The following SEMA6D variants were observed in gnomAD, a reference collection of about 807,000 sequenced individuals.
SEMA6D encodes semaphorin-6D.
Under a neutral mutation model 106.6 loss-of-function variants are expected in SEMA6D, and 35 were observed. The ratio of observed to expected loss-of-function variants is 0.33; its 90% confidence interval spans 0.25 to 0.44. SEMA6D has a LOEUF of 0.44. SEMA6D is among the 20% of genes least tolerant of loss of function. SEMA6D has a pLI of 1.00. For synonymous variants in SEMA6D, 499 were observed against 487.7 expected, an observed-to-expected ratio of 1.02 and a Z score of -0.31; for missense variants, 1,185 against 1,345.9, an observed-to-expected ratio of 0.88 and a Z score of 1.87.
chr15:47,724,495 A>G (rs2146429329), intron 1 of SEMA6D, among the ~76,000 whole-genome samples: 1 of 152,334 alleles, frequency 6.6e-6, no homozygotes, highest in East Asian at 1.9e-4. Context: ...TAGGGTGGTC[A>G]GGGAAGGCTC....
chr15:47,518,960 C>T (rs899496127), intron 3 of SEMA6D, among the ~76,000 whole-genome samples: 5 of 152,062 alleles, frequency 3.3e-5, no homozygotes, highest in Admixed American at 6.5e-5. Context: ...CACAGTGGCT[C>T]ATGGCTGTAA....
chr15:47,547,405 T>A (rs1398556704), intron 3 of SEMA6D, among the ~76,000 whole-genome samples: 1 of 152,204 alleles, frequency 6.6e-6, no homozygotes, highest in East Asian at 1.9e-4. Context: ...AAGACCCTAC[T>A]GCAGAATAAA....
At chr15:47,551,123 A>T (rs2045673569) in intron 3 of SEMA6D, among the ~76,000 whole-genome samples, 1 of 152,152 alleles carries the variant, frequency 6.6e-6, no homozygotes, top group Non-Finnish European at 1.5e-5. Flanking sequence ...GATTGCATTG[A>T]TTCAAACTTA....
intron 4 of SEMA6D, among the ~76,000 whole-genome samples, chr15:47,665,794 A>C (rs2078014377): frequency 6.6e-6 from 1 of 152,254 alleles, no homozygotes; most frequent in Admixed American, 6.5e-5. Flanking sequence ...TGGGCGACAG[A>C]GCAAGACTCT....
chr15:47,759,323 C>T (rs1470230688), intron 1 of SEMA6D, among the ~76,000 whole-genome samples: 1 of 152,048 alleles, frequency 6.6e-6, no homozygotes, highest in African/African-American at 2.4e-5. Context: ...TTTGAGGCAG[C>T]TTGAGCGTTT....
intron 1 of SEMA6D, among the ~76,000 whole-genome samples, chr15:47,398,332 T>C (rs2040286053): frequency 6.6e-6 from 1 of 152,248 alleles, no homozygotes; most frequent in Non-Finnish European, 1.5e-5. Flanking sequence ...GTCTCTGCTT[T>C]ATTGGCTGCT....
intron 1 of SEMA6D, among the ~76,000 whole-genome samples, chr15:47,389,240 A>G (rs2039352508): frequency 6.6e-6 from 1 of 152,254 alleles, no homozygotes; most frequent in Non-Finnish European, 1.5e-5. Flanking sequence ...GTTAATGCAT[A>G]TATAAAGTGC....
At chr15:47,255,537 C>A (rs535131821) in intron 1 of SEMA6D, among the ~76,000 whole-genome samples, 17 of 151,740 alleles carry the variant, frequency 1.1e-4, no homozygotes, top group Non-Finnish European at 2.5e-4. Context: ...TTATTAGAGA[C>A]CTTTCTACTT....
intron 2 of SEMA6D, among the ~76,000 whole-genome samples, chr15:47,436,585 T>C (rs1235515196): frequency 6.6e-6 from 1 of 150,560 alleles, no homozygotes; most frequent in Non-Finnish European, 1.5e-5. Context: ...CTTAATTTTA[T>C]GATGCAGAAA....
At chr15:47,760,911 A>G (rs2082025383) in intron 3 of SEMA6D, 67 bp from the exon 4 acceptor site, 14 of 1,397,880 alleles carry the variant, frequency 1.0e-5, no homozygotes, top group Non-Finnish European at 1.4e-5. Flanking sequence ...CTGTAAAAAT[A>G]AAAAAGGAAG....
At chr15:47,723,939 T>G (rs901271159) in intron 1 of SEMA6D, among the ~76,000 whole-genome samples, 2 of 152,190 alleles carry the variant, frequency 1.3e-5, no homozygotes, top group Non-Finnish European at 2.9e-5. Flanking sequence ...TCTACTCAGC[T>G]GAGGAACTGG....
chr15:47,369,037 A>G (rs2039170000), intron 1 of SEMA6D, among the ~76,000 whole-genome samples: 6 of 152,216 alleles, frequency 3.9e-5, no homozygotes, highest in Admixed American at 3.9e-4. Flanking sequence ...AAAATAAGCC[A>G]GATAACTACC....
intron 4 of SEMA6D, among the ~76,000 whole-genome samples, chr15:47,703,539 G>A (rs11634811): frequency 0.18 from 26,734 of 152,040 alleles, 2,725 homozygotes; most frequent in South Asian, 0.23. Context: ...AACCCACTAC[G>A]TAGCAACCCA....
At chr15:47,741,743 A>G (rs1412585078) in intron 1 of SEMA6D, among the ~76,000 whole-genome samples, 1 of 152,134 alleles carries the variant, frequency 6.6e-6, no homozygotes, top group African/African-American at 2.4e-5. Flanking sequence ...AAAACAAAAT[A>G]AGAAGGTTAG....
intron 1 of SEMA6D, among the ~76,000 whole-genome samples, chr15:47,231,175 A>G (rs1255465632): frequency 3.4e-5 from 5 of 147,662 alleles, no homozygotes; most frequent in South Asian, 2.2e-4. Context: ...TCTCTCTTTT[A>G]TTTGGCTTGA....
intron 1 of SEMA6D, among the ~76,000 whole-genome samples, chr15:47,332,148 C>T (rs2144130506): frequency 6.6e-6 from 1 of 152,310 alleles, no homozygotes; most frequent in South Asian, 2.1e-4. Flanking sequence ...CCTAACAAGA[C>T]ATCTTTGGTA....
At chr15:47,262,061 C>T (rs879495901) in intron 1 of SEMA6D, among the ~76,000 whole-genome samples, 14 of 152,004 alleles carry the variant, frequency 9.2e-5, no homozygotes, top group Non-Finnish European at 1.3e-4. Flanking sequence ...AGAACCAAAT[C>T]AGATATGAAC....
At chr15:47,377,435 G>A (rs1444469350) in intron 1 of SEMA6D, among the ~76,000 whole-genome samples, 1 of 152,122 alleles carries the variant, frequency 6.6e-6, no homozygotes, top group African/African-American at 2.4e-5. Context: ...AGAAACAGAG[G>A]GTAACGCTTG....
At chr15:47,480,037 T>TTC (rs1555446835) in intron 3 of SEMA6D, among the ~76,000 whole-genome samples, 3 of 151,036 alleles carry the variant, frequency 2.0e-5, no homozygotes, top group African/African-American at 7.3e-5. Flanking sequence ...TTTTTTTTTT[T>TTC]GGTAGATATG....
Sources: allele counts gnomAD v4.1 joint callset (sites outside exome capture counted in the v4.1 genomes callset), GRCh38; gene constraint gnomAD v4.1.1; transcripts MANE v1.5; gene names NCBI Gene and HGNC (gene_info 2026-07-23, HGNC 2026-07-21).